Variants in TBC1D14 observed in about 807,000 individuals in gnomAD.
TBC1D14 encodes the protein TBC1 domain family, member 14.
Under a neutral mutation model 79.0 loss-of-function variants are expected in TBC1D14, and 26 were observed. The observed-to-expected ratio is 0.33, with a 90% CI of 0.24 to 0.46. The LOEUF (loss-of-function observed/expected upper bound fraction) is 0.46, where lower values mean the gene tolerates loss of function less well. Ranked by LOEUF, TBC1D14 falls within the 20% of genes least tolerant of loss-of-function variation. The probability of loss-of-function intolerance (pLI) is 1.00; values close to 1 mark genes in which losing one functional copy is unlikely to be tolerated. For synonymous variants in TBC1D14, 394 were observed against 349.9 expected (o/e 1.13, Z -1.40); for missense variants, 769 against 887.6 (o/e 0.87, Z 1.70).
intron 2 of TBC1D14, among the ~76,000 whole-genome samples, chr4:6,926,031 G>A (rs1286046495): frequency 6.6e-6 from 1 of 152,182 alleles, no homozygotes; most frequent in Non-Finnish European, 1.5e-5. Context: ...GCCATGTCCA[G>A]CTCTGTGCCC....
At chr4:7,007,640 C>T (rs76110139) in intron 9 of TBC1D14, 19,154 of 1,279,386 alleles carry the variant, frequency 0.015, 154 homozygotes, top group Non-Finnish European at 0.016. Context: ...GTGAGCCCAG[C>T]GAGCACCCCA....
At chr4:6,951,549 A>G (rs1220909110) in intron 2 of TBC1D14, among the ~76,000 whole-genome samples, 1 of 152,196 alleles carries the variant, frequency 6.6e-6, no homozygotes, top group Non-Finnish European at 1.5e-5. Context: ...TCACAAGGGA[A>G]TTTTTAAAAA....
chr4:6,916,597 C>T (rs567862505), intron 1 of TBC1D14, among the ~76,000 whole-genome samples: 1 of 152,338 alleles, frequency 6.6e-6, no homozygotes, highest in Admixed American at 6.5e-5. Context: ...CGCTTTCTGA[C>T]TTGTATTGAA....
At chr4:6,926,492 T>G (rs1463855570) in intron 2 of TBC1D14, among the ~76,000 whole-genome samples, 1 of 152,246 alleles carries the variant, frequency 6.6e-6, no homozygotes, top group Non-Finnish European at 1.5e-5. Context: ...GTCTCTTCTT[T>G]TATTCCTTGG....
chr4:6,914,135 C>CAAA (rs34129252), intron 1 of TBC1D14, among the ~76,000 whole-genome samples: 21,786 of 137,186 alleles, frequency 0.16, 2,062 homozygotes, highest in South Asian at 0.3. Context: ...GACCCCATCT[C>CAAA]AAAAAAAAAA....
intron 2 of TBC1D14, among the ~76,000 whole-genome samples, chr4:6,946,749 C>T (rs1713507999): frequency 6.6e-6 from 1 of 152,180 alleles, no homozygotes; most frequent in African/African-American, 2.4e-5. Flanking sequence ...TAACATCAGG[C>T]AGCTTGTTAC....
intron 12 of TBC1D14, among the ~76,000 whole-genome samples, chr4:7,016,996 A>G (rs1017116850): frequency 1.3e-5 from 2 of 152,112 alleles, no homozygotes; most frequent in African/African-American, 4.8e-5. Context: ...CTTGTGTTTT[A>G]TAGAGGAAAA....
intron 6 of TBC1D14, 65 bp downstream of exon 6, chr4:6,999,267 G>GATT: frequency 7.0e-7 from 1 of 1,422,862 alleles, no homozygotes. Context: ...GTGGGCCACA[G>GATT]CTGTAGTCGT....
chr4:6,917,601 G>C (rs914286387), intron 1 of TBC1D14, among the ~76,000 whole-genome samples: 1 of 152,068 alleles, frequency 6.6e-6, no homozygotes, highest in African/African-American at 2.4e-5. Flanking sequence ...TGGTGGGGGC[G>C]GGTAATGGCT....
At chr4:7,006,351 T>G (rs10013211) in intron 8 of TBC1D14, among the ~76,000 whole-genome samples, 67,307 of 151,952 alleles carry the variant, frequency 0.44, 15,557 homozygotes, top group East Asian at 0.67. Context: ...TTCCACTGAT[T>G]GTTATTGATG....
In TBC1D14 at chr4:7,025,243, G is replaced by A; in HGVS notation, c.1997G>A (p.Arg666Gln). The change falls in exon 13 of 14, where the codon CGA becomes CAA. Residue 666 changes from arginine to glutamine, a missense_variant. This residue lies in a region of TBC1D14 where 367 missense variants were observed against 494.4 expected (regional missense o/e 0.74). Coordinates refer to ENST00000409757, the MANE Select transcript of TBC1D14 (RefSeq NM_020773.3). ...ASIATIQMQS[R>Q]NKKWAQVLTA... Reference sequence around the variant, plus strand: ...ATCGCCACGATCCAGATGCAGAGCCGAAACAAGAAGTGGGCTCAGGTCAGC... The same window carrying A: ...ATCGCCACGATCCAGATGCAGAGCCAAAACAAGAAGTGGGCTCAGGTCAGC... 1.9e-6 allele frequency: 3 copies of A among 1,614,230 alleles called. No homozygotes were observed. The highest frequency in any genetic ancestry group is 2.5e-6 in the Non-Finnish European group (3 of 1,180,044).
intron 7 of TBC1D14, 100 bp downstream of exon 7, chr4:7,001,351 T>A: frequency 2.0e-6 from 2 of 1,011,006 alleles, no homozygotes; most frequent in Non-Finnish European, 3.0e-6. Context: ...TTGCCACGAA[T>A]CTGTGTCTTT....
intron 12 of TBC1D14, 37 bp from the exon 13 acceptor site, chr4:7,024,967 A>T: frequency 1.9e-6 from 3 of 1,608,828 alleles, no homozygotes; most frequent in South Asian, 1.1e-5. Flanking sequence ...GTTAGGAGAG[A>T]TTCAAAATCT....
chr4:6,920,388 C>T (rs1163134412), intron 1 of TBC1D14, among the ~76,000 whole-genome samples: 1 of 152,036 alleles, frequency 6.6e-6, no homozygotes, highest in African/African-American at 2.4e-5. Flanking sequence ...GGTCCTCCTG[C>T]CCCAGCCTCT....
At chr4:6,948,462 C>G (rs1192783662) in intron 2 of TBC1D14, among the ~76,000 whole-genome samples, 1 of 152,178 alleles carries the variant, frequency 6.6e-6, no homozygotes, top group Non-Finnish European at 1.5e-5. Flanking sequence ...ATGGGTATCC[C>G]ACTCTTTGTT....
At chr4:6,943,102 G>T (rs1713068851) in intron 2 of TBC1D14, among the ~76,000 whole-genome samples, 1 of 152,138 alleles carries the variant, frequency 6.6e-6, no homozygotes, top group African/African-American at 2.4e-5. Flanking sequence ...AAGCTTGCTG[G>T]GTTGTTCGGT....
At chr4:7,002,419 G>A (rs1317628731) in intron 7 of TBC1D14, among the ~76,000 whole-genome samples, 2 of 152,178 alleles carry the variant, frequency 1.3e-5, no homozygotes, top group African/African-American at 4.8e-5. Flanking sequence ...TTTAATTTTT[G>A]CTTCTCACTG....
intron 3 of TBC1D14, among the ~76,000 whole-genome samples, chr4:6,984,350 C>T (rs1717635906): frequency 6.6e-6 from 1 of 152,078 alleles, no homozygotes; most frequent in South Asian, 2.1e-4. Context: ...ATGGGAGCTT[C>T]GGCACGGTCA....
intron 2 of TBC1D14, among the ~76,000 whole-genome samples, chr4:6,954,654 G>A (rs1714459688): frequency 6.6e-6 from 1 of 152,230 alleles, no homozygotes; most frequent in Non-Finnish European, 1.5e-5. Context: ...AGGCTGGAGT[G>A]CAGTGGCACG....
Sources: allele counts gnomAD v4.1 joint callset (sites outside exome capture counted in the v4.1 genomes callset), GRCh38; gene constraint gnomAD v4.1.1; regional missense constraint gnomAD v4.1.1; transcripts MANE v1.5; gene names NCBI Gene and HGNC (gene_info 2026-07-23, HGNC 2026-07-21).